IRF4: variants seen among roughly 807,000 people sequenced by gnomAD.
The protein encoded by IRF4 is lymphocyte-specific interferon regulatory factor.
IRF4 carries 13 observed loss-of-function variants against 55.5 expected under a neutral mutation model. That is an observed-to-expected ratio of 0.23 (90% confidence interval 0.15 to 0.37). The LOEUF (loss-of-function observed/expected upper bound fraction) is 0.37, where lower values mean the gene tolerates loss of function less well. Ranked by LOEUF, IRF4 falls within the 10% of genes least tolerant of loss-of-function variation. IRF4 has a pLI of 1.00. For synonymous variants in IRF4, 249 were observed against 240.7 expected, an observed-to-expected ratio of 1.03 and a Z score of -0.32; for missense variants, 397 against 593.8, an observed-to-expected ratio of 0.67 and a Z score of 3.44.
At position 391,826 on chromosome 6, in the gene IRF4, G is replaced by C. The variant is rs984723255; in HGVS notation, c.-56+17G>C. The C allele has an allele frequency of 4.4e-6, 2 of 456,086 alleles. No homozygotes were observed. The highest frequency in any genetic ancestry group is 3.1e-5 in the South Asian group (2 of 64,552). The allele number at this position is 456,086 out of a possible 1,614,324, so 28.3% of individuals were successfully genotyped here. On this transcript the variant is annotated intron_variant, in intron 1 of 8. Transcript: ENST00000380956. ...CAGGGCGAGGTAAGGGCTGGAGTCG[G>C]GCAGGAGGAGGGGTGTGAGGCTGAT... is the stretch of plus-strand genomic sequence containing the variant.
intron 6 of IRF4, among the ~76,000 whole-genome samples, chr6:401,205 T>G (rs1191740204): frequency 6.6e-6 from 1 of 152,242 alleles, no homozygotes; most frequent in Non-Finnish European, 1.5e-5. Flanking sequence ...TCCACGGGAC[T>G]TCTCCAAGTG....
At chr6:406,693 C>A in intron 8 of IRF4, 3 of 719,310 alleles carry the variant, frequency 4.2e-6, no homozygotes, top group South Asian at 2.5e-5. Context: ...GCTGCGTGGT[C>A]CATAAAATGA....
In IRF4 at chr6:393,085, C is replaced by G. The variant is rs1231527516; in HGVS notation, c.-55-13C>G. ...GGTGCCTCGTGGCTGAAGGGCAGCT[C>G]TTCTCCCCGCAGTGCAGAGCAGAGC... On this transcript the variant is annotated splice_polypyrimidine_tract_variant and intron_variant, in intron 1 of 8. Transcript: ENST00000380956. The surrounding 1 kb of genome is among the most constrained non-coding windows in gnomAD (Gnocchi z 5.4). 3.5e-6 allele frequency: 5 copies of G among 1,426,282 alleles called. No individual in the cohort carries two copies. The highest frequency in any genetic ancestry group is 4.8e-6 in the Non-Finnish European group (5 of 1,052,340). 88.4% of individuals were successfully genotyped at this position (1,426,282 alleles called of 1,614,324 possible).
rs760504688 is a variant in IRF4 at position 407,514 on chromosome 6, C to A, written c.1272C>A (p.Phe424Leu). Residue 424 changes from phenylalanine (F) to leucine (L), a missense_variant, in exon 9 of 9, where the codon TTC becomes TTA. Transcript: ENST00000380956. ...YYFAQQNSGH[F>L]LRGYDLPEHI... ...TTGCTCAACAAAACAGTGGACATTT[C>A]CTGAGGGGCTACGATTTACCAGAAC... 3 of 1,612,680 alleles carry A rather than the reference C, an allele frequency of 1.9e-6. No individual in the cohort carries two copies. Among genetic ancestry groups the A allele is most frequent in the African/African-American group, 2.7e-5 (2 of 74,836 alleles).
chr6:404,515 G>A (rs546789603), intron 7 of IRF4, among the ~76,000 whole-genome samples: 3 of 152,246 alleles, frequency 2.0e-5, no homozygotes, highest in African/African-American at 7.2e-5. Flanking sequence ...CATATTTTCT[G>A]TGGTGCCTGA....
In IRF4 at chr6:410,767, A is replaced by C. The variant is rs1372836860; in HGVS notation, c.*3169A>C. The stretch of plus-strand genomic sequence containing the variant: ...ACATGCCCCCACTTCCCCACAGGTG[A>C]AAGTTTTTCTGAAAGTGTTGGGATT... On this transcript the variant is annotated 3_prime_UTR_variant, in exon 9 of 9. Transcript: ENST00000380956. 2 of 231,996 alleles carry C rather than the reference A, an allele frequency of 8.6e-6. No homozygotes were observed. Among genetic ancestry groups the C allele is most frequent in the Admixed American group, 5.6e-5 (1 of 17,720 alleles). 14.4% of individuals were successfully genotyped at this position (231,996 alleles called of 1,614,324 possible). A position where few individuals can be genotyped will look rare whatever the true frequency, so the allele number is the denominator to read the frequency against.
chr6:393,255 G>T lies in IRF4; in HGVS notation c.103G>T (p.Gly35Cys). Residue 35 changes from glycine to cysteine, a missense_variant, in exon 2 of 9, where the codon GGC (glycine) becomes TGC (cysteine). Coordinates refer to ENST00000380956, the MANE Select transcript of IRF4 (RefSeq NM_002460.4). This position sits in a 1 kb window ranked among gnomAD's most constrained non-coding sequence, Gnocchi z 5.4. Reference protein sequence around the residue: ...RQWLIDQIDSGKYPGLVWENE... With the variant: ...RQWLIDQIDSCKYPGLVWENE... ...GTGGCTGATCGACCAGATCGACAGCGGCAAGTACCCCGGGCTGGTGTGGGA... is the reference window on the plus strand; with the variant it reads ...GTGGCTGATCGACCAGATCGACAGCTGCAAGTACCCCGGGCTGGTGTGGGA... 1 of 1,591,356 alleles carries T rather than the reference G, an allele frequency of 6.3e-7. No homozygotes were observed. Among genetic ancestry groups the T allele is most frequent in the Non-Finnish European group, 8.6e-7 (1 of 1,168,998 alleles).
intron 1 of IRF4, among the ~76,000 whole-genome samples, chr6:392,182 G>A (rs1205574825): frequency 6.6e-6 from 1 of 152,224 alleles, no homozygotes; most frequent in Admixed American, 6.5e-5. Context: ...AAACAGGCCC[G>A]GCCCTGTGGA....
intron 8 of IRF4, among the ~76,000 whole-genome samples, chr6:406,242 C>T (rs1456431266): frequency 1.3e-5 from 2 of 152,210 alleles, no homozygotes; most frequent in Non-Finnish European, 2.9e-5. Context: ...TGATAAGCAG[C>T]ATTTAAGAAG....
In IRF4 at chr6:409,351, T is replaced by C. The variant is rs147755767; in HGVS notation, c.*1753T>C. 3.7e-4 allele frequency: 74 copies of C among 198,206 alleles called. No individual in the cohort carries two copies. Among genetic ancestry groups the C allele is most frequent in the Non-Finnish European group, 7.1e-4 (68 of 95,650 alleles). 12.3% of individuals were successfully genotyped at this position (198,206 alleles called of 1,614,324 possible). A position where few individuals can be genotyped will look rare whatever the true frequency, so the allele number is the denominator to read the frequency against. On this transcript the variant is annotated 3_prime_UTR_variant, in exon 9 of 9. Transcript: ENST00000380956. ...CAAAAAAATAAAAAGGATCTCCTTT[T>C]TTCCCAGCCCAAATTCTCCTCTCTA...
In IRF4 at chr6:397,188, G is replaced by T. The variant is rs143640869; in HGVS notation, c.573G>T (p.Pro191=). Residue 191 remains proline, a synonymous_variant, in exon 5 of 9, where the codon CCG becomes CCT. Coordinates refer to ENST00000380956, the MANE Select transcript of IRF4 (RefSeq NM_002460.4). The part of the protein sequence containing the change: ...YVPDQPHPEI[P]YQCPMTFGPR... ...CGGATCAGCCACACCCGGAAATCCC[G>T]TACCAATGTCCCATGACGTTTGGAC... 6 of 1,614,274 alleles carry T rather than the reference G, an allele frequency of 3.7e-6. No individual in the cohort carries two copies. The highest frequency in any genetic ancestry group is 1.3e-5 in the African/African-American group (1 of 75,076).
chr6:395,909 A>G lies in IRF4; in HGVS notation c.466A>G (p.Thr156Ala). 1.2e-5 allele frequency: 19 copies of G among 1,613,702 alleles called. No individual in the cohort carries two copies. The highest frequency in any genetic ancestry group is 1.6e-5 in the Non-Finnish European group (19 of 1,179,814). ...MSMSHPYTMT[T>A]PYPSLPAQQV... The stretch of plus-strand genomic sequence containing the variant: ...CATGAGCCACCCCTACACCATGACA[A>G]CGCCTTACCCTTCGCTCCCAGCCCA... Residue 156 changes from threonine (T) to alanine (A), a missense_variant, in exon 4 of 9, where the codon ACG (threonine) becomes GCG (alanine). This residue lies in a region of IRF4 where 341 missense variants were observed against 548.1 expected (regional missense o/e 0.62). Transcript: ENST00000380956.
rs1230250198 is a variant in IRF4 at position 411,116 on chromosome 6, C to T, written c.*3518C>T. The T allele has an allele frequency of 2.1e-5, 5 of 232,862 alleles. No homozygotes were observed. Among genetic ancestry groups the T allele is most frequent in the Non-Finnish European group, 3.4e-5 (4 of 117,794 alleles). 14.4% of individuals were successfully genotyped at this position (232,862 alleles called of 1,614,324 possible). ...CCAACCCTCCTCCAATGGAAATTCC[C>T]GTGTTGCTTCAAACTGAGACAGATG... On this transcript the variant is annotated 3_prime_UTR_variant, in exon 9 of 9. Coordinates refer to ENST00000380956, the MANE Select transcript of IRF4 (RefSeq NM_002460.4).
intron 5 of IRF4, among the ~76,000 whole-genome samples, chr6:397,738 A>G (rs1349033897): frequency 1.3e-5 from 2 of 152,212 alleles, no homozygotes; most frequent in African/African-American, 4.8e-5. Context: ...GGTCCCAGAA[A>G]GACTTGCTGA....
intron 6 of IRF4, among the ~76,000 whole-genome samples, chr6:399,358 C>T (rs1341695537): frequency 6.6e-6 from 1 of 152,192 alleles, no homozygotes; most frequent in East Asian, 1.9e-4. Context: ...TCCTCCTCCT[C>T]TACTCCCTGG....
chr6:410,937 G>A lies in IRF4; in HGVS notation c.*3339G>A, dbSNP rs999395837. On this transcript the variant is annotated 3_prime_UTR_variant, in exon 9 of 9. Transcript: ENST00000380956. Reference sequence around the variant, plus strand: ...ATGCCCCGTTTTTGAGACTGATCTCGATGCAGGTGGATCTCCTTGAGATCC... The same window carrying A: ...ATGCCCCGTTTTTGAGACTGATCTCAATGCAGGTGGATCTCCTTGAGATCC... 8.6e-6 allele frequency: 2 copies of A among 232,456 alleles called. No homozygotes were observed. Among genetic ancestry groups the A allele is most frequent in the Admixed American group, 5.6e-5 (1 of 17,760 alleles). The allele number at this position is 232,456 out of a possible 1,614,324, so 14.4% of individuals were successfully genotyped here.
rs1481531296 is a variant in IRF4, at chr6:393,609, G to C, written c.216+241G>C. On this transcript the variant is annotated intron_variant, in intron 2 of 8. Coordinates refer to ENST00000380956, the MANE Select transcript of IRF4 (RefSeq NM_002460.4). This position sits in a 1 kb window ranked among gnomAD's most constrained non-coding sequence, Gnocchi z 5.4. ...GCGTGGAGGCTGCAGGGAAACCGCTGAAGGCCCGGCCGGGCCCGGGGAAGG... is the reference window on the plus strand; with the variant it reads ...GCGTGGAGGCTGCAGGGAAACCGCTCAAGGCCCGGCCGGGCCCGGGGAAGG... Among the ~76,000 whole-genome samples, 1 of 152,140 alleles carries C rather than the reference G, an allele frequency of 6.6e-6. No homozygotes were observed. The highest frequency in any genetic ancestry group is 6.5e-5 in the Admixed American group (1 of 15,290).
chr6:394,329 C>T (rs57300680), intron 2 of IRF4, among the ~76,000 whole-genome samples: 3,890 of 152,274 alleles, frequency 0.026, 64 homozygotes, highest in Middle Eastern at 0.054. Flanking sequence ...TTCAACTTGG[C>T]AGTGATAGGG....
rs76533660 is a variant in IRF4, at chr6:398,684, C to T, written c.638-144C>T. ...CTTTGCCTCACAAGAGCGTGCCCTG[C>T]TAGTTGCTGGTGCTGGGAGTGGGTG... On this transcript the variant is annotated intron_variant, in intron 5 of 8. Coordinates refer to ENST00000380956, the MANE Select transcript of IRF4 (RefSeq NM_002460.4). The T allele has an allele frequency of 4.3e-3, 2,432 of 561,784 alleles. 53 individuals are homozygous for T. The highest frequency in any genetic ancestry group is 0.041 in the African/African-American group (2,184 of 53,612). The allele number at this position is 561,784 out of a possible 1,614,324, so 34.8% of individuals were successfully genotyped here.
Sources: allele counts gnomAD v4.1 joint callset (sites outside exome capture counted in the v4.1 genomes callset), GRCh38; gene constraint gnomAD v4.1.1; regional missense constraint gnomAD v4.1.1; non-coding constraint Gnocchi (gnomAD v3.1); transcripts MANE v1.5; gene names NCBI Gene and HGNC (gene_info 2026-07-23, HGNC 2026-07-21).